Variants in PTPRD observed in about 807,000 individuals in gnomAD.
The protein encoded by PTPRD is protein tyrosine phosphatase receptor type D.
In PTPRD, 34 loss-of-function variants were observed where a neutral mutation model predicts 214.5. The ratio of observed to expected loss-of-function variants is 0.16; its 90% CI spans 0.12 to 0.21. PTPRD has a LOEUF of 0.21. PTPRD is among the 10% of genes least tolerant of loss of function. PTPRD has a pLI of 1.00. For missense variants in PTPRD, 2,545 were observed against 2,398.7 expected (o/e 1.06, Z -1.27); for synonymous variants, 1,128 against 845.7 (o/e 1.33, Z -5.79).
Position 8,937,190 on chromosome 9 carries a change from G to T in PTPRD, c.-104+81507C>A, listed in dbSNP as rs553828261. Among the ~76,000 whole-genome samples the T allele has an allele frequency of 3.9e-5, 6 of 152,280 alleles. No homozygotes were observed. The South Asian group carries it at 1.2e-3, about 32-fold the overall frequency. On this transcript the variant is annotated intron_variant, in intron 11 of 45. Transcript: ENST00000381196. ...AAAAGTCTCCAAACAATTTGAGACA[G>T]TCACGGTGACATTACTATTATCACC...
intron 10 of PTPRD, among the ~76,000 whole-genome samples, chr9:9,025,711 G>A (rs1314310754): frequency 6.6e-6 from 1 of 151,848 alleles, no homozygotes; most frequent in Non-Finnish European, 1.5e-5. Context: ...GAGCTTTGAG[G>A]ACATATTAAT....
At position 8,709,057 on chromosome 9, in the gene PTPRD, G is replaced by A. The variant is rs911173768; in HGVS notation, c.64+24723C>T. ...TGGGATCTGAAAAACTGATTTCATA[G>A]AAGTAGAAAGTGGAATAGTGGCTAT... On this transcript the variant is annotated intron_variant, in intron 12 of 45. Coordinates refer to ENST00000381196, the MANE Select transcript of PTPRD (RefSeq NM_002839.4). Among the ~76,000 whole-genome samples the A allele has an allele frequency of 1.3e-5, 2 of 152,032 alleles. 1 individual carries two copies. Among genetic ancestry groups the A allele is most frequent in the Admixed American group, 1.3e-4 (2 of 15,264 alleles).
intron 8 of PTPRD, among the ~76,000 whole-genome samples, chr9:9,418,409 G>A (rs1293635197): frequency 6.6e-6 from 1 of 151,920 alleles, no homozygotes; most frequent in Non-Finnish European, 1.5e-5. Context: ...AATATCTCTT[G>A]CACCTTATAT....
At chr9:8,330,334 A>ACATTGTTGTTTG (rs1394229906) in intron 44 of PTPRD, among the ~76,000 whole-genome samples, 15 of 152,084 alleles carry the variant, frequency 9.9e-5, no homozygotes, top group Admixed American at 2.6e-4. Context: ...TCTTGTAAGT[A>ACATTGTTGTTTG]CATTGTTGTT....
At chr9:8,780,646 A>G (rs2095657992) in intron 11 of PTPRD, among the ~76,000 whole-genome samples, 1 of 152,206 alleles carries the variant, frequency 6.6e-6, no homozygotes, top group African/African-American at 2.4e-5. Flanking sequence ...GTCAGTCAGT[A>G]GAATGAAAAA....
At chr9:8,770,572 A>C (rs1175088739) in intron 11 of PTPRD, among the ~76,000 whole-genome samples, 3 of 152,182 alleles carry the variant, frequency 2.0e-5, no homozygotes, top group Non-Finnish European at 4.4e-5. Flanking sequence ...ACTGACTGAG[A>C]AGCTTTCACT....
intron 11 of PTPRD, among the ~76,000 whole-genome samples, chr9:9,004,324 T>C (rs2099444230): frequency 6.6e-6 from 1 of 152,074 alleles, no homozygotes; most frequent in African/African-American, 2.4e-5. Flanking sequence ...CAAATTATCA[T>C]ATAAAATATA....
chr9:9,918,041 T>C (rs73402632), intron 5 of PTPRD, among the ~76,000 whole-genome samples: 28,831 of 151,692 alleles, frequency 0.19, 2,879 homozygotes, highest in African/African-American at 0.25. Context: ...ACACATAGTA[T>C]TCGAAGTCCT....
At chr9:9,919,505 G>A (rs936218446) in intron 5 of PTPRD, among the ~76,000 whole-genome samples, 1 of 152,070 alleles carries the variant, frequency 6.6e-6, no homozygotes, top group Non-Finnish European at 1.5e-5. Context: ...GCCGCATTCG[G>A]ATAATTATTC....
At chr9:9,110,915 A>G (rs545855295) in intron 10 of PTPRD, among the ~76,000 whole-genome samples, 130 of 152,258 alleles carry the variant, frequency 8.5e-4, no homozygotes, top group Non-Finnish European at 1.6e-3. Flanking sequence ...ACTGCAACAG[A>G]GTAGTTGTGA....
Position 10,338,253 on chromosome 9 carries a change from C to G in PTPRD, c.-545+2710G>C, listed in dbSNP as rs78938999. On this transcript the variant is annotated intron_variant, in intron 3 of 45. Transcript: ENST00000381196. ...GAGTCATGTATAGTAAGTGCTATAGCTCAGTGCCTGCACAGCCTCACCTTT... is the reference window on the plus strand; with the variant it reads ...GAGTCATGTATAGTAAGTGCTATAGGTCAGTGCCTGCACAGCCTCACCTTT... Among the ~76,000 whole-genome samples, 634 of 151,674 alleles carry G rather than the reference C, an allele frequency of 4.2e-3. 8 individuals carry two copies. Among genetic ancestry groups the G allele is most frequent in the African/African-American group, 0.014 (597 of 41,448 alleles).
chr9:10,388,233 A>G (rs1017505742), intron 2 of PTPRD, among the ~76,000 whole-genome samples: 3 of 151,902 alleles, frequency 2.0e-5, no homozygotes, highest in Admixed American at 1.3e-4. Flanking sequence ...ATAACAGAGA[A>G]ACGTGTGATT....
chr9:9,107,669 C>T (rs902649246), intron 10 of PTPRD, among the ~76,000 whole-genome samples: 4 of 152,108 alleles, frequency 2.6e-5, no homozygotes, highest in Non-Finnish European at 5.9e-5. Flanking sequence ...TTGTCCTTGT[C>T]CCCTTTGGTT....
At chr9:10,126,132 A>G (rs937155420) in intron 3 of PTPRD, among the ~76,000 whole-genome samples, 1 of 152,146 alleles carries the variant, frequency 6.6e-6, no homozygotes, top group African/African-American at 2.4e-5. Context: ...TATCAATCCA[A>G]CAATTCAAGA....
chr9:8,342,264 T>C (rs935012506), intron 39 of PTPRD, among the ~76,000 whole-genome samples: 1 of 152,060 alleles, frequency 6.6e-6, no homozygotes, highest in Non-Finnish European at 1.5e-5. Context: ...AAGTGAACAT[T>C]ATTTCGAAAA....
At chr9:9,164,890 A>C (rs58469812) in intron 10 of PTPRD, among the ~76,000 whole-genome samples, 4,829 of 132,826 alleles carry the variant, frequency 0.036, 272 homozygotes, top group African/African-American at 0.13. Flanking sequence ...CAAAACAAAC[A>C]AACCAACCAG....
chr9:9,273,376 T>C (rs1488860382), intron 9 of PTPRD, among the ~76,000 whole-genome samples: 1 of 151,276 alleles, frequency 6.6e-6, no homozygotes, highest in Non-Finnish European at 1.5e-5. Flanking sequence ...ATTGTGAAGC[T>C]GTGCAGCTAC....
chr9:10,474,166 C>T (rs531484390), intron 2 of PTPRD, among the ~76,000 whole-genome samples: 9 of 151,944 alleles, frequency 5.9e-5, no homozygotes, highest in African/African-American at 1.9e-4. Flanking sequence ...GGGCTAAATG[C>T]CCAATTAAAA....
chr9:8,672,501 T>G (rs930895521), intron 12 of PTPRD, among the ~76,000 whole-genome samples: 2 of 152,160 alleles, frequency 1.3e-5, no homozygotes, highest in Non-Finnish European at 2.9e-5. Context: ...ATATTAATAG[T>G]GACATGCTAG....
Sources: allele counts gnomAD v4.1 joint callset (sites outside exome capture counted in the v4.1 genomes callset), GRCh38; gene constraint gnomAD v4.1.1; transcripts MANE v1.5; gene names NCBI Gene and HGNC (gene_info 2026-07-23, HGNC 2026-07-21).